The following GRAMD2B variants were observed in gnomAD, a reference collection of about 807,000 sequenced individuals.
GRAMD2B encodes the protein GRAM domain containing 2B, also known as GRAM domain-containing protein 2B.
GRAMD2B carries 41 observed loss-of-function variants against 59.2 expected under a neutral mutation model. That is an observed-to-expected ratio of 0.69 (90% CI 0.54 to 0.90). GRAMD2B has a LOEUF of 0.90. Ranked by LOEUF, GRAMD2B falls within the 40% of genes least tolerant of loss-of-function variation. GRAMD2B has a pLI of 0.00. For synonymous variants in GRAMD2B, 161 were observed against 182.7 expected (o/e 0.88, Z 0.96); for missense variants, 424 against 500.5 (o/e 0.85, Z 1.46).
At chr5:126,385,828 C>T (rs1470025227) in intron 1 of GRAMD2B, among the ~76,000 whole-genome samples, 3 of 152,122 alleles carry the variant, frequency 2.0e-5, no homozygotes, top group Non-Finnish European at 4.4e-5. Context: ...AGTCGTAAAG[C>T]AGCAGTCCCT....
At chr5:126,487,437 T>C (rs1329764331) in intron 12 of GRAMD2B, among the ~76,000 whole-genome samples, 1 of 152,212 alleles carries the variant, frequency 6.6e-6, no homozygotes, top group Non-Finnish European at 1.5e-5. Flanking sequence ...TAGTAATTAA[T>C]TGAATGTGTC....
intron 1 of GRAMD2B, among the ~76,000 whole-genome samples, chr5:126,426,723 G>A (rs1760683891): frequency 6.6e-6 from 1 of 152,164 alleles, no homozygotes; most frequent in African/African-American, 2.4e-5. Flanking sequence ...GCTTGTAGCT[G>A]ACATTCAGCT....
chr5:126,486,598 T>G (rs914908057), intron 11 of GRAMD2B, among the ~76,000 whole-genome samples: 1 of 152,122 alleles, frequency 6.6e-6, no homozygotes, highest in Non-Finnish European at 1.5e-5. Flanking sequence ...AACACTGGCT[T>G]GGTACTCCAA....
At chr5:126,434,635 A>G (rs1257457025) in intron 1 of GRAMD2B, among the ~76,000 whole-genome samples, 1 of 151,842 alleles carries the variant, frequency 6.6e-6, no homozygotes, top group African/African-American at 2.4e-5. Flanking sequence ...CACCTGCCTC[A>G]GCCTCCCGAG....
intron 1 of GRAMD2B, among the ~76,000 whole-genome samples, chr5:126,392,158 A>G (rs1756866154): frequency 6.6e-6 from 1 of 152,196 alleles, no homozygotes; most frequent in Non-Finnish European, 1.5e-5. Flanking sequence ...GTGTAACGCT[A>G]CAAAAGGGAT....
In GRAMD2B at chr5:126,480,518, A is replaced by T; in HGVS notation, c.645A>T (p.Gly215=). 6.2e-7 allele frequency: 1 copy of T among 1,612,938 alleles called. No homozygotes were observed. The highest frequency in any genetic ancestry group is 8.5e-7 in the Non-Finnish European group (1 of 1,178,910). ...STYKLLKSVC[G]HLENTSVGNS... is the part of the protein sequence containing the mutation. ...ACAAACTACTAAAATCTGTGTGTGG[A>T]CACTTAGAAGTGAGTATGATGTCCC... The change falls in exon 7 of 14, where the codon GGA becomes GGT. Residue 215 remains glycine, a synonymous_variant. Transcript: ENST00000285689.
intron 1 of GRAMD2B, among the ~76,000 whole-genome samples, chr5:126,436,636 G>C (rs1048494944): frequency 3.3e-5 from 5 of 152,138 alleles, no homozygotes; most frequent in Admixed American, 2.0e-4. Context: ...TGAGGACCCT[G>C]TCTCTTAATT....
At chr5:126,415,464 A>G (rs75041263) in intron 1 of GRAMD2B, among the ~76,000 whole-genome samples, 1 of 152,096 alleles carries the variant, frequency 6.6e-6, no homozygotes, top group Non-Finnish European at 1.5e-5. Context: ...ATGGCCTGAC[A>G]TGTAAAAGGC....
chr5:126,408,614 G>T (rs1302958689), intron 1 of GRAMD2B, among the ~76,000 whole-genome samples: 3 of 151,360 alleles, frequency 2.0e-5, no homozygotes, highest in African/African-American at 7.3e-5. Context: ...TTGCTCAACA[G>T]AATACTACTA....
chr5:126,476,179 A>G (rs1770574518), intron 5 of GRAMD2B, among the ~76,000 whole-genome samples: 1 of 152,220 alleles, frequency 6.6e-6, no homozygotes, highest in African/African-American at 2.4e-5. Context: ...AGGCTGAGGC[A>G]GGAGAATCAC....
chr5:126,398,694 G>A (rs904846354), intron 1 of GRAMD2B, among the ~76,000 whole-genome samples: 4 of 151,878 alleles, frequency 2.6e-5, no homozygotes, highest in Non-Finnish European at 5.9e-5. Flanking sequence ...AAGTTAGATT[G>A]TTTATGCAAA....
At chr5:126,459,976 A>G (rs1260174736) in intron 1 of GRAMD2B, among the ~76,000 whole-genome samples, 5 of 152,210 alleles carry the variant, frequency 3.3e-5, no homozygotes, top group Non-Finnish European at 5.9e-5. Flanking sequence ...ATTTGTTGCA[A>G]TGTTGTTAGT....
upstream of GRAMD2B, among the ~76,000 whole-genome samples, chr5:126,366,765 C>T (rs1364389223): frequency 4.0e-5 from 6 of 151,726 alleles, no homozygotes; most frequent in Non-Finnish European, 8.8e-5. Flanking sequence ...TACACCCACA[C>T]ACCGGTTTTC....
intron 1 of GRAMD2B, among the ~76,000 whole-genome samples, chr5:126,397,727 C>A (rs994441270): frequency 6.6e-6 from 1 of 152,116 alleles, no homozygotes; most frequent in African/African-American, 2.4e-5. Flanking sequence ...ATAAATCCCA[C>A]TTAATCATGA....
chr5:126,448,245 AG>A (rs1764713589), intron 1 of GRAMD2B, among the ~76,000 whole-genome samples: 1 of 152,176 alleles, frequency 6.6e-6, no homozygotes, highest in Admixed American at 6.5e-5. Context: ...AAAGAAGAAG[AG>A]GTCAGTCCTT....
chr5:126,393,839 G>T (rs1319925821), intron 1 of GRAMD2B, among the ~76,000 whole-genome samples: 2 of 152,094 alleles, frequency 1.3e-5, no homozygotes, highest in Admixed American at 1.3e-4. Flanking sequence ...ACTCTAGAAA[G>T]CATAAGATCA....
intron 4 of GRAMD2B, among the ~76,000 whole-genome samples, chr5:126,473,013 T>G (rs907323795): frequency 6.6e-6 from 1 of 152,206 alleles, no homozygotes; most frequent in Non-Finnish European, 1.5e-5. Context: ...GACCCCATTC[T>G]TGGTCTCTCA....
At position 126,484,545 on chromosome 5, in the gene GRAMD2B, G is replaced by A. The variant is rs560794613; in HGVS notation, c.970+21G>A. On this transcript the variant is annotated intron_variant, in intron 10 of 13. Coordinates refer to ENST00000285689, the MANE Select transcript of GRAMD2B (RefSeq NM_023927.4). ...ACAGGGTAAGGAATGGATGTCTCAG[G>A]GGGGTGGGTTTAGAAGGATTGGAGA... 88 of 1,596,940 alleles carry A rather than the reference G, an allele frequency of 5.5e-5. No individual in the cohort carries two copies. In the South Asian group the frequency reaches 9.2e-4, roughly 17 times the overall value.
rs561554437 is a variant in GRAMD2B, at chr5:126,412,081, C to T, written c.125+40514C>T. Among the ~76,000 whole-genome samples the T allele has an allele frequency of 8.4e-4, 127 of 152,056 alleles. 1 individual carries two copies. The highest frequency in any genetic ancestry group is 2.9e-3 in the African/African-American group (120 of 41,506). On this transcript the variant is annotated intron_variant, in intron 1 of 8. Coordinates refer to the GRAMD2B transcript ENST00000506445. ...GAGAGATAAGTTGACTTCATCTTTT[C>T]CTATTTGGATGCCTTTTATTTCTTT...
Sources: allele counts gnomAD v4.1 joint callset (sites outside exome capture counted in the v4.1 genomes callset), GRCh38; gene constraint gnomAD v4.1.1; transcripts MANE v1.5; gene names NCBI Gene and HGNC (gene_info 2026-07-23, HGNC 2026-07-21).